The following ZGRF1 variants were observed in gnomAD, a reference collection of about 807,000 sequenced individuals.
ZGRF1 encodes zinc finger GRF-type containing 1, also known as 5'-3' DNA helicase ZGRF1.
A neutral mutation model predicts 203.5 loss-of-function variants in ZGRF1; 196 were observed. The ratio of observed to expected loss-of-function variants is 0.96; its 90% CI spans 0.86 to 1.08. The LOEUF is 1.08. ZGRF1 is among the 50% of genes least tolerant of loss of function. ZGRF1 has a pLI of 0.00. For missense variants in ZGRF1, 2,326 were observed against 2,416.3 expected (o/e 0.96, Z 0.78); for synonymous variants, 809 against 841.3 (o/e 0.96, Z 0.66).
At position 112,539,947 on chromosome 4, in the gene ZGRF1, C is replaced by T; in HGVS notation, c.6088G>A (p.Gly2030Arg). 1.2e-6 allele frequency: 2 copies of T among 1,613,856 alleles called. No homozygotes were observed. The highest frequency in any genetic ancestry group is 1.7e-6 in the Non-Finnish European group (2 of 1,179,810). The change falls in exon 27 of 28, where the codon GGA (glycine) becomes AGA (arginine). Residue 2030 changes from glycine to arginine, a missense_variant. Transcript: ENST00000505019. ...EKRMNVALTR[G>R]KRHLLIVGNL... The stretch of plus-strand genomic sequence containing the variant: ...CCCACAATCAACAAATGCCTCTTTC[C>T]TCTAGTCAATGCAACATTCATTCTT...
chr4:112,587,962 A>G, intron 11 of ZGRF1, 33 bp from the exon 12 acceptor site: 1 of 1,467,182 alleles, frequency 6.8e-7, no homozygotes. Flanking sequence ...TTAAATAAAA[A>G]TGTTCTACTA....
intron 2 of ZGRF1, 56 bp from the exon 3 acceptor site, chr4:112,632,066 G>T: frequency 1.2e-6 from 1 of 820,416 alleles, no homozygotes; most frequent in Non-Finnish European, 1.8e-6. Context: ...TTAATGTTAT[G>T]TATTTTATAT....
chr4:112,572,651 C>T (rs1043270617), intron 16 of ZGRF1, among the ~76,000 whole-genome samples: 5 of 152,154 alleles, frequency 3.3e-5, no homozygotes, highest in Non-Finnish European at 7.4e-5. Flanking sequence ...ACAATCTATA[C>T]ATCTGACAAA....
At chr4:112,588,120 T>C (rs1392966434) in intron 11 of ZGRF1, among the ~76,000 whole-genome samples, 191 bp from the exon 12 acceptor site, 1 of 152,126 alleles carries the variant, frequency 6.6e-6, no homozygotes, top group Non-Finnish European at 1.5e-5. Flanking sequence ...GCTTAATTCA[T>C]ATATACTGAA....
intron 24 of ZGRF1, among the ~76,000 whole-genome samples, chr4:112,545,700 A>G (rs1738605813): frequency 1.3e-5 from 2 of 152,236 alleles, no homozygotes; most frequent in Admixed American, 1.3e-4. Context: ...GATTTTTCAC[A>G]AGAGCCAAAA....
Position 112,613,842 on chromosome 4 carries a change from T to C in ZGRF1, c.2603-1254A>G, listed in dbSNP as rs182201864. On this transcript the variant is annotated intron_variant, in intron 6 of 27. Coordinates refer to ENST00000505019, the MANE Select transcript of ZGRF1 (RefSeq NM_018392.5). ...TCTTCTAAAATCACAAAAAGACTAA[T>C]TTTAAAGTGATAATTACGGTAAAAA... 1.9e-3 allele frequency among the ~76,000 whole-genome samples: 292 copies of C among 152,304 alleles called. 2 individuals are homozygous for C. Among genetic ancestry groups the C allele is most frequent in the Non-Finnish European group, 1.2e-3 (79 of 68,028 alleles).
At chr4:112,565,740 GA>G in intron 16 of ZGRF1, among the ~76,000 whole-genome samples, 1 of 152,250 alleles carries the variant, frequency 6.6e-6, no homozygotes, top group African/African-American at 2.4e-5. Flanking sequence ...AAAAACACAT[GA>G]AAAAATGCTC....
chr4:112,618,815 G>T lies in ZGRF1; in HGVS notation c.1227C>A (p.Phe409Leu). ...TAACCTGTAAGCTACTGCTTTCATT[G>T]AATGAAGGAATTTCTAATTTTACTT... The part of the protein sequence containing the change: ...NQEVKLEIPS[F>L]NESSSLQVTC... Residue 409 changes from phenylalanine to leucine, a missense_variant, in exon 6 of 28, where the codon TTC becomes TTA. Phe to Leu is a conservative substitution (Grantham distance 22, BLOSUM62 0). Coordinates refer to ENST00000505019, the MANE Select transcript of ZGRF1 (RefSeq NM_018392.5). 1.2e-6 allele frequency: 2 copies of T among 1,612,762 alleles called. No individual in the cohort carries two copies. The highest frequency in any genetic ancestry group is 8.5e-7 in the Non-Finnish European group (1 of 1,179,624).
chr4:112,561,827 T>C, intron 18 of ZGRF1, among the ~76,000 whole-genome samples: 1 of 151,686 alleles, frequency 6.6e-6, no homozygotes, highest in Non-Finnish European at 1.5e-5. Flanking sequence ...TTAAATTATC[T>C]CTTGATGAAG....
At chr4:112,550,193 A>AAAAAAAAACAAC (rs1739664901) in intron 22 of ZGRF1, among the ~76,000 whole-genome samples, 1 of 151,346 alleles carries the variant, frequency 6.6e-6, no homozygotes, top group East Asian at 1.9e-4. Context: ...CTCCATCTCA[A>AAAAAAAAACAAC]AAAAAAAACA....
rs376594795 is a variant in ZGRF1 at position 112,587,281 on chromosome 4, T to C, written c.3776A>G (p.Gln1259Arg). 7 of 1,600,306 alleles carry C rather than the reference T, an allele frequency of 4.4e-6. No individual in the cohort carries two copies. Among genetic ancestry groups the C allele is most frequent in the African/African-American group, 1.3e-5 (1 of 74,442 alleles). ...CACAAGACCGGTACATTTCCTCACC[T>C]GTAAATCCTTTACACTGTAGTTGTA... ...TCYNYSVKDL[Q>R]EISGSELCFP... The change falls in exon 12 of 28, where the codon CAG becomes CGG. Residue 1259 changes from glutamine (Q) to arginine (R), a missense_variant and splice_region_variant. By Grantham distance (43) the Gln-to-Arg change is conservative. Coordinates refer to ENST00000505019, the MANE Select transcript of ZGRF1 (RefSeq NM_018392.5).
intron 18 of ZGRF1, chr4:112,562,156 A>C: frequency 2.5e-6 from 1 of 397,322 alleles, no homozygotes; most frequent in South Asian, 2.5e-5. Flanking sequence ...TGATCTGCCC[A>C]CCTCGGCCTC....
chr4:112,575,294 G>A (rs1302772995), intron 16 of ZGRF1, among the ~76,000 whole-genome samples: 1 of 152,126 alleles, frequency 6.6e-6, no homozygotes, highest in African/African-American at 2.4e-5. Flanking sequence ...ACATTTGGGG[G>A]GAAGAGCCAA....
chr4:112,593,972 C>A (rs574846271), intron 10 of ZGRF1, among the ~76,000 whole-genome samples: 1 of 152,102 alleles, frequency 6.6e-6, no homozygotes, highest in African/African-American at 2.4e-5. Flanking sequence ...GCTGTTCTCA[C>A]TTGAACTCCT....
intron 16 of ZGRF1, 45 bp downstream of exon 16, chr4:112,581,618 A>T (rs750647890): frequency 7.0e-7 from 1 of 1,420,340 alleles, no homozygotes; most frequent in Admixed American, 2.7e-5. Context: ...TGTAATGGAG[A>T]TAATAAGGCT....
intron 3 of ZGRF1, among the ~76,000 whole-genome samples, chr4:112,626,389 C>T (rs2047240400): frequency 6.6e-6 from 1 of 152,156 alleles, no homozygotes; most frequent in African/African-American, 2.4e-5. Context: ...CTCTACAGCT[C>T]CTAAGAATAA....
Position 112,617,708 on chromosome 4 carries a change from T to G in ZGRF1, c.2334A>C (p.Thr778=). 1 of 1,614,142 alleles carries G rather than the reference T, an allele frequency of 6.2e-7. No homozygotes were observed. Reference sequence around the variant, plus strand: ...CTTCAGGTTCAGATATATGTGCTTCTGTGTCTTTGGAAATAAGATGCTTTT... The same window carrying G: ...CTTCAGGTTCAGATATATGTGCTTCGGTGTCTTTGGAAATAAGATGCTTTT... ...LGKKHLISKD[T]EAHISEPEDL... is the part of the protein sequence containing the mutation. The change falls in exon 6 of 28, where the codon ACA becomes ACC. Residue 778 remains threonine, a synonymous_variant. Transcript: ENST00000505019.
Position 112,584,076 on chromosome 4 carries a change from T to C in ZGRF1, c.4200A>G (p.Gly1400=). Residue 1400 remains glycine, a synonymous_variant, in exon 15 of 28, where the codon GGA becomes GGG. Transcript: ENST00000505019. The stretch of plus-strand genomic sequence containing the variant: ...CACTTAAAACCATGCCAGGTCGAGC[T>C]CCTTCCTGTGTTGAATATCCTGGAG... ...DVTPGYSTQE[G]ARPGMVLSDI... 1 of 1,613,422 alleles carries C rather than the reference T, an allele frequency of 6.2e-7. No homozygotes were observed. Among genetic ancestry groups the C allele is most frequent in the South Asian group, 1.1e-5 (1 of 91,066 alleles).
At chr4:112,565,992 C>T (rs895672174) in intron 16 of ZGRF1, among the ~76,000 whole-genome samples, 1 of 152,200 alleles carries the variant, frequency 6.6e-6, no homozygotes, top group East Asian at 1.9e-4. Flanking sequence ...CATCCCATTA[C>T]TGGGTATACA....
Sources: gnomAD v4.1 joint callset for allele counts (sites outside exome capture counted in the v4.1 genomes callset) on GRCh38, gnomAD v4.1.1 for gene constraint, MANE v1.5 for transcripts, NCBI Gene and HGNC (gene_info 2026-07-23, HGNC 2026-07-21) for gene names.